The following NCAM2 variants were observed in gnomAD, a reference collection of about 807,000 sequenced individuals.
The protein encoded by NCAM2 is N-CAM-2.
NCAM2 carries 30 observed loss-of-function variants against 98.1 expected under a neutral mutation model. The ratio of observed to expected loss-of-function variants is 0.31; its 90% CI spans 0.23 to 0.41. The LOEUF is 0.41. Among genes scored for constraint, NCAM2 ranks in the 10% least tolerant of loss-of-function variants. The pLI is 1.00. For synonymous variants in NCAM2, 368 were observed against 342.4 expected, an observed-to-expected ratio of 1.07 and a Z score of -0.83; for missense variants, 867 against 1,005.8, an observed-to-expected ratio of 0.86 and a Z score of 1.87.
intron 1 of NCAM2, among the ~76,000 whole-genome samples, chr21:21,106,035 T>G (rs1482458305): frequency 2.0e-5 from 3 of 152,012 alleles, no homozygotes; most frequent in Non-Finnish European, 4.4e-5. Context: ...TATTTCATGG[T>G]ATGTGTACGT....
At chr21:21,155,170 A>G (rs1363497873) in intron 1 of NCAM2, among the ~76,000 whole-genome samples, 1 of 150,990 alleles carries the variant, frequency 6.6e-6, no homozygotes, top group Admixed American at 6.6e-5. Flanking sequence ...TATGATGGAT[A>G]TTGGTCTTAT....
chr21:21,195,823 G>A (rs982057958), intron 1 of NCAM2, among the ~76,000 whole-genome samples: 7 of 152,110 alleles, frequency 4.6e-5, no homozygotes, highest in East Asian at 1.9e-4. Context: ...TCTAGTAATA[G>A]TTTCTCAGTT....
chr21:21,364,205 A>T (rs2148007635), intron 8 of NCAM2, among the ~76,000 whole-genome samples: 1 of 152,056 alleles, frequency 6.6e-6, no homozygotes, highest in Admixed American at 6.6e-5. Context: ...TTTTTTTAGT[A>T]TTTTGATGTT....
intron 12 of NCAM2, among the ~76,000 whole-genome samples, chr21:21,442,252 C>T (rs1979403646): frequency 6.6e-6 from 1 of 152,102 alleles, no homozygotes. Flanking sequence ...ATGAAAGACA[C>T]ACAGCACTCA....
chr21:21,123,773 A>T (rs1446204407), intron 1 of NCAM2, among the ~76,000 whole-genome samples: 1 of 151,434 alleles, frequency 6.6e-6, no homozygotes, highest in Non-Finnish European at 1.5e-5. Context: ...TTTAGGTGTT[A>T]CTGTTATCCT....
chr21:21,107,263 A>G (rs2066367737), intron 1 of NCAM2, among the ~76,000 whole-genome samples: 2 of 152,156 alleles, frequency 1.3e-5, no homozygotes, highest in African/African-American at 2.4e-5. Context: ...AAATAAGACA[A>G]CTGAAGCTCA....
chr21:21,263,021 T>G (rs1261707426), intron 1 of NCAM2, among the ~76,000 whole-genome samples: 3 of 152,082 alleles, frequency 2.0e-5, no homozygotes, highest in Non-Finnish European at 4.4e-5. Context: ...GGGAATTCAA[T>G]ATGAGATTTG....
chr21:21,264,635 GTGTA>G (rs1246516966), intron 1 of NCAM2, among the ~76,000 whole-genome samples: 3 of 150,856 alleles, frequency 2.0e-5, no homozygotes, highest in African/African-American at 7.3e-5. Flanking sequence ...GAAATGTGAT[GTGTA>G]TGTATGTGTG....
chr21:21,501,333 G>A (rs781173125), intron 15 of NCAM2, among the ~76,000 whole-genome samples: 17 of 151,616 alleles, frequency 1.1e-4, no homozygotes, highest in Non-Finnish European at 1.9e-4. Flanking sequence ...CTTCCATAAC[G>A]CAAAATTTTG....
chr21:21,407,336 A>G (rs368806736), intron 9 of NCAM2, among the ~76,000 whole-genome samples: 4 of 152,256 alleles, frequency 2.6e-5, no homozygotes, highest in Non-Finnish European at 5.9e-5. Context: ...TACCACAAAT[A>G]CATTTTTTAA....
chr21:21,472,896 G>T (rs534928152), intron 14 of NCAM2, among the ~76,000 whole-genome samples: 3 of 151,494 alleles, frequency 2.0e-5, no homozygotes, highest in African/African-American at 7.3e-5. Context: ...TGGAAAAAGA[G>T]ATTTAAATTT....
chr21:21,525,530 TC>T (rs1315265701), intron 16 of NCAM2, among the ~76,000 whole-genome samples: 2 of 152,032 alleles, frequency 1.3e-5, no homozygotes, highest in African/African-American at 4.8e-5. Flanking sequence ...ATTTATAGTC[TC>T]CCCAGACAGA....
At chr21:21,121,268 T>C (rs1484651325) in intron 1 of NCAM2, among the ~76,000 whole-genome samples, 2 of 152,226 alleles carry the variant, frequency 1.3e-5, no homozygotes, top group Non-Finnish European at 2.9e-5. Context: ...TTCTTTTCTT[T>C]GTCCTTCACT....
rs1555889239 is a variant in NCAM2, at chr21:21,135,256, A to AAAAAC, written c.55+136642_55+136643insCAAAA. On this transcript the variant is annotated intron_variant, in intron 1 of 17. Transcript: ENST00000400546. ...GTGAGACTCCATCTCAAAAAAAAAA[A>AAAAAC]AAAAAAAACTTCTGAACTCAATCAG... Among the ~76,000 whole-genome samples, 2 of 145,614 alleles carry AAAAAC rather than the reference A, an allele frequency of 1.4e-5. 1 individual carries two copies. The highest frequency in any genetic ancestry group is 4.4e-4 in the South Asian group (2 of 4,588).
chr21:21,274,164 T>C (rs1186698613), intron 1 of NCAM2, among the ~76,000 whole-genome samples: 4 of 143,152 alleles, frequency 2.8e-5, no homozygotes, highest in African/African-American at 8.2e-5. Context: ...AAACTCTGTC[T>C]GAAAAAAAAA....
At chr21:21,201,679 C>T (rs2069228233) in intron 1 of NCAM2, among the ~76,000 whole-genome samples, 1 of 152,140 alleles carries the variant, frequency 6.6e-6, no homozygotes, top group Admixed American at 6.6e-5. Flanking sequence ...TTGTAATCTT[C>T]CACAGCATGT....
intron 1 of NCAM2, among the ~76,000 whole-genome samples, chr21:21,006,335 C>T (rs1231942788): frequency 3.9e-5 from 6 of 152,046 alleles, no homozygotes; most frequent in Non-Finnish European, 7.4e-5. Flanking sequence ...GGCAAATCTC[C>T]GTCTTTACCA....
At chr21:21,081,267 A>T (rs1010300242) in intron 1 of NCAM2, among the ~76,000 whole-genome samples, 2 of 152,114 alleles carry the variant, frequency 1.3e-5, no homozygotes, top group East Asian at 3.9e-4. Flanking sequence ...GAGCTCACTC[A>T]CCCAACTCCT....
At chr21:21,400,487 G>A (rs2076604652) in intron 9 of NCAM2, among the ~76,000 whole-genome samples, 2 of 151,976 alleles carry the variant, frequency 1.3e-5, no homozygotes, top group South Asian at 4.2e-4. Flanking sequence ...GAAGATTTTG[G>A]AGTCTTAAGA....
Sources: gnomAD v4.1 joint callset for allele counts (sites outside exome capture counted in the v4.1 genomes callset) on GRCh38, gnomAD v4.1.1 for gene constraint, MANE v1.5 for transcripts, NCBI Gene and HGNC (gene_info 2026-07-23, HGNC 2026-07-21) for gene names.